PTP4A1: variants seen among roughly 807,000 people sequenced by gnomAD.
PTP4A1 encodes protein tyrosine phosphatase 4A1, also known as protein tyrosine phosphatase type IVA 1.
A neutral mutation model predicts 20.5 loss-of-function variants in PTP4A1; 9 were observed. That is an observed-to-expected ratio of 0.44 (90% confidence interval 0.26 to 0.77). The LOEUF is 0.77. Among genes scored for constraint, PTP4A1 ranks in the 30% least tolerant of loss-of-function variants. The pLI is 0.19. For missense variants in PTP4A1, 137 were observed against 218.8 expected (o/e 0.63, Z 2.36); for synonymous variants, 78 against 67.4 (o/e 1.16, Z -0.77).
intron 2 of PTP4A1, among the ~76,000 whole-genome samples, chr6:63,531,177 A>C (rs184484409): frequency 9.2e-5 from 14 of 152,292 alleles, no homozygotes; most frequent in Non-Finnish European, 1.8e-4. Flanking sequence ...AGATAACTGC[A>C]AGCAATGAGG....
intron 2 of PTP4A1, among the ~76,000 whole-genome samples, chr6:63,548,154 C>G (rs1776285136): frequency 6.6e-6 from 1 of 152,180 alleles, no homozygotes; most frequent in Non-Finnish European, 1.5e-5. Flanking sequence ...TTAGATGACC[C>G]TCTCTGATTT....
chr6:63,576,675 T>C lies in PTP4A1; in HGVS notation c.-206T>C. ...TAAACCTCAGTGCACTTCTTTTCTG[T>C]TGGCCTCAGTATTACTGGATTGAAG... On this transcript the variant is annotated 5_prime_UTR_variant, in exon 2 of 6. Coordinates refer to ENST00000626021, the MANE Select transcript of PTP4A1 (RefSeq NM_003463.5). The C allele has an allele frequency of 1.7e-6, 1 of 581,324 alleles. No homozygotes were observed. The allele number at this position is 581,324 out of a possible 1,614,324, so 36.0% of individuals were successfully genotyped here.
chr6:63,577,039 C>G (rs1777909520), intron 2 of PTP4A1, 54 bp downstream of exon 2: 1 of 1,362,114 alleles, frequency 7.3e-7, no homozygotes, highest in South Asian at 1.2e-5. Flanking sequence ...AATAGTGGGA[C>G]TTATAGCTAA....
rs1332482627 is a variant in PTP4A1 at position 63,581,190 on chromosome 6, CT to C, written c.*1017del. 1.1e-4 allele frequency: 17 copies of C among 152,002 alleles called. No homozygotes were observed. Among genetic ancestry groups the C allele is most frequent in the Admixed American group, 4.6e-4 (7 of 15,224 alleles). 9.4% of individuals were successfully genotyped at this position (152,002 alleles called of 1,614,324 possible). ...CTCTTGCAAAAAAAGAAATGGGTTT[CT>C]GCTAATGAATTGAGCAGACATCTAA... On this transcript the variant is annotated 3_prime_UTR_variant, in exon 6 of 6. Coordinates refer to ENST00000626021, the MANE Select transcript of PTP4A1 (RefSeq NM_003463.5).
At chr6:63,557,493 T>C (rs1473235333) in intron 3 of PTP4A1, among the ~76,000 whole-genome samples, 1 of 151,974 alleles carries the variant, frequency 6.6e-6, no homozygotes, top group Non-Finnish European at 1.5e-5. Context: ...CATATATATA[T>C]ATATGGAGGT....
chr6:63,577,033 G>A (rs372864450), intron 2 of PTP4A1, 48 bp downstream of exon 2: 1 of 1,438,464 alleles, frequency 7.0e-7, no homozygotes, highest in Non-Finnish European at 9.7e-7. Context: ...CAATATAATA[G>A]TGGGACTTAT....
At chr6:63,560,264 G>C (rs1776878388) in intron 3 of PTP4A1, among the ~76,000 whole-genome samples, 1 of 150,006 alleles carries the variant, frequency 6.7e-6, no homozygotes, top group Admixed American at 6.7e-5. Flanking sequence ...CTTGAACCCA[G>C]GCAGCAGAGG....
intron 2 of PTP4A1, among the ~76,000 whole-genome samples, chr6:63,546,968 C>A (rs987933718): frequency 6.6e-6 from 1 of 152,140 alleles, no homozygotes; most frequent in Non-Finnish European, 1.5e-5. Context: ...GTCAATTACT[C>A]TTTAAACCTT....
rs1778144817 is a variant in PTP4A1 at position 63,580,277 on chromosome 6, A to C, written c.*103A>C. 2.1e-6 allele frequency: 2 copies of C among 957,230 alleles called. No individual in the cohort carries two copies. The highest frequency in any genetic ancestry group is 3.2e-6 in the Non-Finnish European group (2 of 620,210). 59.3% of individuals were successfully genotyped at this position (957,230 alleles called of 1,614,324 possible). A position where few individuals can be genotyped will look rare whatever the true frequency, so the allele number is the denominator to read the frequency against. ...GCTTAGTAAGTCTAATGAAGCTTCC[A>C]TAGGAGTATTGAAAGGCAGTTTTAC... On this transcript the variant is annotated 3_prime_UTR_variant, in exon 6 of 6. Coordinates refer to ENST00000626021, the MANE Select transcript of PTP4A1 (RefSeq NM_003463.5).
At chr6:63,528,904 C>T (rs781586095) in intron 2 of PTP4A1, among the ~76,000 whole-genome samples, 8 of 152,014 alleles carry the variant, frequency 5.3e-5, no homozygotes, top group Non-Finnish European at 8.8e-5. Flanking sequence ...GCCTGACTAA[C>T]ATGGTGAAAC....
intron 2 of PTP4A1, among the ~76,000 whole-genome samples, chr6:63,548,113 A>T (rs1205210477): frequency 2.0e-5 from 3 of 152,174 alleles, no homozygotes; most frequent in Non-Finnish European, 2.9e-5. Flanking sequence ...TAACCTCTTC[A>T]TGAAAGCCTT....
At chr6:63,561,332 C>T (rs372023623) in intron 3 of PTP4A1, among the ~76,000 whole-genome samples, 23 of 152,110 alleles carry the variant, frequency 1.5e-4, no homozygotes, top group East Asian at 5.8e-4. Flanking sequence ...TGCTTAATAC[C>T]CAACACATAG....
At chr6:63,540,772 G>A (rs886192061) in intron 2 of PTP4A1, among the ~76,000 whole-genome samples, 3 of 151,536 alleles carry the variant, frequency 2.0e-5, no homozygotes, top group East Asian at 1.9e-4. Context: ...GCGGGGAGAC[G>A]TAGAAATAGC....
At chr6:63,553,710 A>T (rs948063948) in intron 3 of PTP4A1, among the ~76,000 whole-genome samples, 2 of 152,194 alleles carry the variant, frequency 1.3e-5, no homozygotes, top group South Asian at 4.1e-4. Flanking sequence ...ATCTTTGTGT[A>T]TAGGAGCAGG....
rs568825384 is a variant in PTP4A1, at chr6:63,522,357, T to C, written c.-906+531T>C. On this transcript the variant is annotated intron_variant, in intron 1 of 3. Transcript: ENST00000639568. ...GTAAATGAGATCACCTTGTATCTGC[T>C]AAAAACATTCTAGTTAAACAGAAGA... 9.8e-5 allele frequency among the ~76,000 whole-genome samples: 15 copies of C among 152,316 alleles called. No individual in the cohort carries two copies. The South Asian group carries it at 3.1e-3, about 32-fold the overall frequency.
intron 2 of PTP4A1, among the ~76,000 whole-genome samples, chr6:63,540,605 A>G (rs1775920627): frequency 1.3e-5 from 2 of 152,100 alleles, no homozygotes; most frequent in African/African-American, 4.8e-5. Flanking sequence ...AGCCTGAGTG[A>G]CAGATAGAGA....
At chr6:63,548,484 GT>G (rs1776298139) in intron 2 of PTP4A1, among the ~76,000 whole-genome samples, 1 of 152,152 alleles carries the variant, frequency 6.6e-6, no homozygotes, top group African/African-American at 2.4e-5. Flanking sequence ...CAGTTTTCTT[GT>G]TTGTCTCCAT....
intron 1 of PTP4A1, among the ~76,000 whole-genome samples, chr6:63,576,184 G>A (rs1400825030): frequency 6.6e-6 from 1 of 150,974 alleles, no homozygotes; most frequent in African/African-American, 2.4e-5. Flanking sequence ...CAATGGGTTT[G>A]GTTTTTTTTT....
chr6:63,517,846 T>C (rs758640930), upstream of PTP4A1, among the ~76,000 whole-genome samples: 1 of 151,998 alleles, frequency 6.6e-6, no homozygotes, highest in Non-Finnish European at 1.5e-5. Context: ...TTTAAAAGAA[T>C]CCATTGACAC....
Sources: allele counts gnomAD v4.1 joint callset (sites outside exome capture counted in the v4.1 genomes callset), GRCh38; gene constraint gnomAD v4.1.1; transcripts MANE v1.5; gene names NCBI Gene and HGNC (gene_info 2026-07-23, HGNC 2026-07-21).